HPSE2: variants seen among roughly 807,000 people sequenced by gnomAD.
HPSE2 encodes the protein inactive heparanase-2.
A neutral mutation model predicts 60.5 loss-of-function variants in HPSE2; 38 were observed. That is an observed-to-expected ratio of 0.63 (90% CI 0.48 to 0.82). The LOEUF is 0.82. Among genes scored for constraint, HPSE2 ranks in the 40% least tolerant of loss-of-function variants. The pLI, the probability that HPSE2 is intolerant of heterozygous loss-of-function variation, is 0.00. For missense variants in HPSE2, 713 were observed against 740.4 expected, an observed-to-expected ratio of 0.96 and a Z score of 0.43; for synonymous variants, 295 against 293.2, an observed-to-expected ratio of 1.01 and a Z score of -0.06.
chr10:98,606,724 T>C (rs990603141), intron 9 of HPSE2, among the ~76,000 whole-genome samples: 2 of 152,242 alleles, frequency 1.3e-5, no homozygotes, highest in Non-Finnish European at 2.9e-5. Context: ...AAAAATGTTA[T>C]AGTGTAGTAC....
chr10:99,010,327 T>C (rs997857522), intron 3 of HPSE2, among the ~76,000 whole-genome samples: 4 of 152,208 alleles, frequency 2.6e-5, no homozygotes, highest in African/African-American at 7.2e-5. Context: ...ATCAGCCTGT[T>C]TGAGAATCTT....
chr10:98,836,436 A>G (rs1209091097), intron 3 of HPSE2, among the ~76,000 whole-genome samples: 1 of 152,216 alleles, frequency 6.6e-6, no homozygotes, highest in African/African-American at 2.4e-5. Context: ...ATCCATTTAC[A>G]TATCTGCCTC....
intron 3 of HPSE2, among the ~76,000 whole-genome samples, chr10:99,096,695 T>TG (rs1051209719): frequency 5.6e-5 from 6 of 106,242 alleles, no homozygotes; most frequent in African/African-American, 1.6e-4. Context: ...TAAATTGTTG[T>TG]GTTTTTTTTT....
Position 98,527,406 on chromosome 10 carries a change from C to T in HPSE2, c.1321-37210G>A, listed in dbSNP as rs75912494. Among the ~76,000 whole-genome samples the T allele has an allele frequency of 3.8e-3, 586 of 152,290 alleles. 3 individuals are homozygous for T. The highest frequency in any genetic ancestry group is 0.013 in the African/African-American group (554 of 41,566). ...AGCTCTCCAACCTCGTTTCCTACCA[C>T]GTGACTACTTTGCTACCTCTAGCTT... On this transcript the variant is annotated intron_variant, in intron 9 of 11. Transcript: ENST00000370552.
intron 6 of HPSE2, among the ~76,000 whole-genome samples, chr10:98,685,240 AG>A (rs1339538833): frequency 2.0e-5 from 3 of 152,198 alleles, no homozygotes; most frequent in African/African-American, 7.2e-5. Flanking sequence ...CACTAATCAG[AG>A]TTTAATATCT....
At chr10:98,869,785 C>A (rs1223241983) in intron 3 of HPSE2, among the ~76,000 whole-genome samples, 4 of 152,072 alleles carry the variant, frequency 2.6e-5, no homozygotes, top group Admixed American at 1.3e-4. Context: ...TGATCATGGG[C>A]AAGTAATTTC....
intron 3 of HPSE2, among the ~76,000 whole-genome samples, chr10:99,015,990 CTATT>C (rs1957131935): frequency 6.6e-6 from 1 of 152,018 alleles, no homozygotes; most frequent in South Asian, 2.1e-4. Context: ...ATTCTGTAGG[CTATT>C]TACTCTGTTA....
intron 3 of HPSE2, chr10:99,048,370 A>G: frequency 3.6e-6 from 1 of 277,088 alleles, no homozygotes; most frequent in Non-Finnish European, 6.9e-6. Flanking sequence ...CAAACTGAAA[A>G]AAAAAAAATA....
At chr10:99,295,478 T>C in the HPSE2 span, among the ~76,000 whole-genome samples, 464 of 152,338 alleles carry the variant, frequency 3.0e-3, 1 homozygote, top group Middle Eastern at 6.8e-3. Context: ...GATAAAATCA[T>C]ACATAAACAC....
intron 5 of HPSE2, among the ~76,000 whole-genome samples, chr10:98,717,091 T>C (rs1269826340): frequency 6.6e-6 from 1 of 152,150 alleles, no homozygotes. Context: ...ACTTTTTATG[T>C]TATGGATATA....
intron 3 of HPSE2, among the ~76,000 whole-genome samples, chr10:98,836,157 C>T (rs1313397760): frequency 6.6e-6 from 1 of 152,176 alleles, no homozygotes; most frequent in Non-Finnish European, 1.5e-5. Flanking sequence ...AAATAAAGCT[C>T]ACTCCCTCTG....
chr10:99,110,738 A>G (rs17111181), intron 3 of HPSE2, among the ~76,000 whole-genome samples: 1,640 of 152,302 alleles, frequency 0.011, 23 homozygotes, highest in African/African-American at 0.035. Context: ...TTGCAAAAGC[A>G]TCAGTCAAAT....
At chr10:99,275,926 G>A in the HPSE2 span, among the ~76,000 whole-genome samples, 8 of 152,254 alleles carry the variant, frequency 5.3e-5, no homozygotes, top group East Asian at 1.4e-3. Flanking sequence ...TGTATGTGAT[G>A]TGCAATCCTG....
intron 3 of HPSE2, among the ~76,000 whole-genome samples, chr10:99,021,140 C>G (rs1213673978): frequency 6.6e-6 from 1 of 152,162 alleles, no homozygotes; most frequent in East Asian, 1.9e-4. Flanking sequence ...AGCATGCTGT[C>G]TTTAACACTC....
chr10:98,477,005 A>C (rs533465805), intron 11 of HPSE2, among the ~76,000 whole-genome samples: 7 of 152,308 alleles, frequency 4.6e-5, no homozygotes, highest in African/African-American at 1.7e-4. Context: ...GTAATTTTAT[A>C]GTACTGGACT....
intron 9 of HPSE2, among the ~76,000 whole-genome samples, chr10:98,542,458 A>G (rs1410700176): frequency 6.6e-6 from 1 of 152,126 alleles, no homozygotes; most frequent in Non-Finnish European, 1.5e-5. Context: ...CTCACCAGCA[A>G]TGGAACAAAG....
chr10:98,587,246 A>G (rs532631097), intron 9 of HPSE2, among the ~76,000 whole-genome samples: 1 of 152,278 alleles, frequency 6.6e-6, no homozygotes, highest in Admixed American at 6.5e-5. Context: ...TTGTTTAGTG[A>G]GTTTTTCAAA....
At chr10:98,477,522 C>T (rs1941069760) in intron 11 of HPSE2, among the ~76,000 whole-genome samples, 1 of 152,180 alleles carries the variant, frequency 6.6e-6, no homozygotes, top group Non-Finnish European at 1.5e-5. Flanking sequence ...TTGCTTCCCT[C>T]TTTCCTAATT....
intron 3 of HPSE2, among the ~76,000 whole-genome samples, chr10:99,088,617 G>T (rs560407808): frequency 6.6e-6 from 1 of 152,230 alleles, no homozygotes; most frequent in Non-Finnish European, 1.5e-5. Context: ...ATGGGCATTT[G>T]GGCGGGTTCC....
Sources: allele counts gnomAD v4.1 joint callset (sites outside exome capture counted in the v4.1 genomes callset), GRCh38; gene constraint gnomAD v4.1.1; transcripts MANE v1.5; gene names NCBI Gene and HGNC (gene_info 2026-07-23, HGNC 2026-07-21).